The following LRRC3B variants were observed in gnomAD, a reference collection of about 807,000 sequenced individuals.
LRRC3B encodes the protein leucine rich repeat containing 3B.
A neutral mutation model predicts 12.8 loss-of-function variants in LRRC3B; 2 were observed. The ratio of observed to expected loss-of-function variants is 0.16; its 90% CI spans 0.06 to 0.49. The LOEUF (loss-of-function observed/expected upper bound fraction) is 0.49. Among genes scored for constraint, LRRC3B ranks in the 20% least tolerant of loss-of-function variants. The probability of loss-of-function intolerance (pLI) is 0.96; values close to 1 mark genes in which losing one functional copy is unlikely to be tolerated. For synonymous variants in LRRC3B, 132 were observed against 122.0 expected (o/e 1.08, Z -0.54); for missense variants, 189 against 319.4 (o/e 0.59, Z 3.11).
At chr3:26,662,630 C>T (rs896590927) in intron 1 of LRRC3B, among the ~76,000 whole-genome samples, 1 of 152,058 alleles carries the variant, frequency 6.6e-6, no homozygotes, top group Admixed American at 6.6e-5. Context: ...TGAGTTTTAA[C>T]ATTACCCTTG....
intron 1 of LRRC3B, among the ~76,000 whole-genome samples, chr3:26,692,503 C>T (rs1175834749): frequency 6.6e-6 from 1 of 152,170 alleles, no homozygotes; most frequent in African/African-American, 2.4e-5. Flanking sequence ...ACATTATTGA[C>T]TGTCATGGTC....
intron 1 of LRRC3B, among the ~76,000 whole-genome samples, chr3:26,670,803 A>AT (rs770934486): frequency 2.3e-4 from 35 of 152,170 alleles, no homozygotes; most frequent in Non-Finnish European, 4.7e-4. Context: ...GAAAGCAATA[A>AT]TCTACATGAA....
intron 1 of LRRC3B, among the ~76,000 whole-genome samples, chr3:26,701,526 G>A (rs1164092263): frequency 6.6e-6 from 1 of 152,194 alleles, no homozygotes; most frequent in South Asian, 2.1e-4. Flanking sequence ...AGTGAAATAA[G>A]ACTCAAGATG....
rs147060288 is a variant in LRRC3B, at chr3:26,677,072, G to T, written c.-160-32441G>T. Among the ~76,000 whole-genome samples the T allele has an allele frequency of 2.2e-4, 34 of 152,262 alleles. No individual in the cohort carries two copies. In the East Asian group the frequency reaches 6.0e-3, roughly 27 times the overall value. ...ACACATTCTTATTCTAGCTCCATCA[G>T]TCATGAGTCAAGAAGGTGAGTCATC... On this transcript the variant is annotated intron_variant, in intron 1 of 1. Coordinates refer to ENST00000396641, the Ensembl canonical transcript of LRRC3B.
chr3:26,695,041 C>CGT (rs57701247), intron 1 of LRRC3B, among the ~76,000 whole-genome samples: 10,530 of 150,772 alleles, frequency 0.07, 1,011 homozygotes, highest in African/African-American at 0.21. Flanking sequence ...AAAGCTTTTG[C>CGT]GTGTGTGTGT....
intron 1 of LRRC3B, among the ~76,000 whole-genome samples, chr3:26,628,382 A>C (rs1227082009): frequency 3.3e-5 from 5 of 150,554 alleles, no homozygotes. Flanking sequence ...AAGAGAAGCT[A>C]AATAATAAGG....
intron 1 of LRRC3B, among the ~76,000 whole-genome samples, chr3:26,625,978 C>G (rs996830902): frequency 3.9e-5 from 6 of 152,218 alleles, no homozygotes; most frequent in African/African-American, 1.2e-4. Context: ...TCAGAGAACA[C>G]TGAGTGTGTC....
At chr3:26,626,186 A>G (rs1207670890) in intron 1 of LRRC3B, among the ~76,000 whole-genome samples, 1 of 152,226 alleles carries the variant, frequency 6.6e-6, no homozygotes, top group African/African-American at 2.4e-5. Context: ...ACACCTTGGT[A>G]TAGTGGAATA....
exon 2 of LRRC3B, chr3:26,709,699 C>T: frequency 6.2e-7 from 1 of 1,613,932 alleles, no homozygotes. Context: ...TGTGGTTAAC[C>T]CGTTCCCTCT....
At chr3:26,622,806 A>G (rs1698542949) in exon 1 of LRRC3B, 1 of 152,020 alleles carries the variant, frequency 6.6e-6, no homozygotes, top group Non-Finnish European at 1.5e-5. Context: ...ATTTCCCTCT[A>G]TTGACTGAGC....
At chr3:26,641,872 A>C (rs1448940705) in intron 1 of LRRC3B, among the ~76,000 whole-genome samples, 1 of 152,242 alleles carries the variant, frequency 6.6e-6, no homozygotes, top group African/African-American at 2.4e-5. Flanking sequence ...CAGCAATTAC[A>C]GAGGATCTTA....
chr3:26,687,293 C>T (rs1433169780), intron 1 of LRRC3B, among the ~76,000 whole-genome samples: 1 of 152,150 alleles, frequency 6.6e-6, no homozygotes, highest in Non-Finnish European at 1.5e-5. Flanking sequence ...CTTGCTTCTG[C>T]TTTTGATGTC....
At chr3:26,675,398 C>A (rs889681544) in intron 1 of LRRC3B, among the ~76,000 whole-genome samples, 1 of 152,194 alleles carries the variant, frequency 6.6e-6, no homozygotes, top group Non-Finnish European at 1.5e-5. Context: ...CAGCCAGACA[C>A]ACACTGTGCC....
chr3:26,650,289 G>A (rs1699239631), intron 1 of LRRC3B, among the ~76,000 whole-genome samples: 1 of 152,154 alleles, frequency 6.6e-6, no homozygotes, highest in African/African-American at 2.4e-5. Flanking sequence ...ATTTCTATGG[G>A]TATTAAATAA....
At chr3:26,676,723 G>A (rs1371265689) in intron 1 of LRRC3B, among the ~76,000 whole-genome samples, 1 of 152,130 alleles carries the variant, frequency 6.6e-6, no homozygotes, top group Non-Finnish European at 1.5e-5. Context: ...ATTTGACCCA[G>A]CCATCCCATT....
intron 1 of LRRC3B, among the ~76,000 whole-genome samples, chr3:26,689,422 A>T (rs1700147208): frequency 6.6e-6 from 1 of 152,032 alleles, no homozygotes; most frequent in African/African-American, 2.4e-5. Flanking sequence ...ACAGAATCTG[A>T]CCTCCTTCTG....
intron 1 of LRRC3B, among the ~76,000 whole-genome samples, chr3:26,662,495 A>G (rs1247439267): frequency 6.6e-6 from 1 of 152,090 alleles, no homozygotes; most frequent in African/African-American, 2.4e-5. Flanking sequence ...CCCTCCTCTG[A>G]AATCTCTCTA....
At chr3:26,674,260 T>C (rs964448009) in intron 1 of LRRC3B, among the ~76,000 whole-genome samples, 3 of 152,192 alleles carry the variant, frequency 2.0e-5, no homozygotes, top group African/African-American at 7.2e-5. Flanking sequence ...ATTCAACAGG[T>C]TAATTATGAA....
intron 1 of LRRC3B, among the ~76,000 whole-genome samples, chr3:26,681,001 T>C (rs1218611818): frequency 6.6e-6 from 1 of 152,222 alleles, no homozygotes; most frequent in Non-Finnish European, 1.5e-5. Context: ...CTCTCAAATA[T>C]TTATTTTTGT....
Sources: allele counts gnomAD v4.1 joint callset (sites outside exome capture counted in the v4.1 genomes callset), GRCh38; gene constraint gnomAD v4.1.1; transcripts MANE v1.5; gene names NCBI Gene and HGNC (gene_info 2026-07-23, HGNC 2026-07-21).